The following ERC1 variants were observed in gnomAD, a reference collection of about 807,000 sequenced individuals.
ERC1 encodes ELKS/RAB6-interacting/CAST family member 1, also known as RAB6 interacting protein 2.
Under a neutral mutation model 132.0 loss-of-function variants are expected in ERC1, and 56 were observed. The ratio of observed to expected loss-of-function variants is 0.42; its 90% CI spans 0.34 to 0.53. The LOEUF is 0.53. Ranked by LOEUF, ERC1 falls within the 20% of genes least tolerant of loss-of-function variation. ERC1 has a pLI of 0.03. For synonymous variants in ERC1, 478 were observed against 476.1 expected (o/e 1.00, Z -0.05); for missense variants, 1,202 against 1,349.9 (o/e 0.89, Z 1.72).
At chr12:1,279,721 C>T (rs1322905842) in intron 14 of ERC1, among the ~76,000 whole-genome samples, 2 of 150,522 alleles carry the variant, frequency 1.3e-5, no homozygotes, top group African/African-American at 4.9e-5. Context: ...CGGAGTCTCG[C>T]TCTGTCGCCC....
chr12:1,445,679 A>G (rs750614174), intron 18 of ERC1, among the ~76,000 whole-genome samples: 3 of 152,210 alleles, frequency 2.0e-5, no homozygotes, highest in Admixed American at 6.5e-5. Context: ...GATATTTGGA[A>G]TTACCTTTTG....
intron 12 of ERC1, among the ~76,000 whole-genome samples, chr12:1,196,828 CTCTGTCTG>C (rs1350850216): frequency 1.7e-4 from 20 of 117,810 alleles, no homozygotes; most frequent in South Asian, 7.2e-4. Flanking sequence ...CTCTCTCTCT[CTCTGTCTG>C]TCTCTCTGTC....
intron 1 of ERC1, among the ~76,000 whole-genome samples, chr12:1,000,985 A>G (rs987151437): frequency 5.3e-5 from 8 of 151,902 alleles, no homozygotes; most frequent in Admixed American, 3.3e-4. Context: ...ATCTCGTCTC[A>G]CGGCACCTCC....
At position 1,134,504 on chromosome 12, in the gene ERC1, A is replaced by C. The variant is rs1024459129; in HGVS notation, c.1570-7116A>C. On this transcript the variant is annotated intron_variant, in intron 7 of 18. Transcript: ENST00000360905. Reference sequence around the variant, plus strand: ...TAGAACTATAGGTGTGTGCCACCACACTTGGCTAATTAAAAAAAATTTTTT... The same window carrying C: ...TAGAACTATAGGTGTGTGCCACCACCCTTGGCTAATTAAAAAAAATTTTTT... Among the ~76,000 whole-genome samples the C allele has an allele frequency of 2.6e-5, 4 of 151,842 alleles. No homozygotes were observed. The East Asian group carries it at 7.7e-4, about 29-fold the overall frequency.
chr12:1,407,139 C>T (rs757477), intron 16 of ERC1, among the ~76,000 whole-genome samples: 4,842 of 152,230 alleles, frequency 0.032, 288 homozygotes, highest in African/African-American at 0.11. Flanking sequence ...CTAATCCAGT[C>T]TTCCTTTTTG....
chr12:1,161,461 A>G (rs185002032), intron 8 of ERC1, among the ~76,000 whole-genome samples: 1 of 152,226 alleles, frequency 6.6e-6, no homozygotes, highest in Non-Finnish European at 1.5e-5. Flanking sequence ...AGAGCTCTGC[A>G]TATGAATGCC....
intron 2 of ERC1, among the ~76,000 whole-genome samples, chr12:1,061,975 TTTC>T (rs1938038376): frequency 6.7e-6 from 1 of 150,244 alleles, no homozygotes; most frequent in Non-Finnish European, 1.5e-5. Flanking sequence ...TGTGTTTTTT[TTTC>T]TTCTTTTCTT....
At chr12:1,217,079 C>T (rs537630989) in intron 12 of ERC1, among the ~76,000 whole-genome samples, 2 of 152,320 alleles carry the variant, frequency 1.3e-5, no homozygotes, top group African/African-American at 2.4e-5. Flanking sequence ...TTTCCTCTGT[C>T]ATTATGAATT....
At chr12:1,194,331 G>T (rs1349301882) in intron 12 of ERC1, among the ~76,000 whole-genome samples, 1 of 152,166 alleles carries the variant, frequency 6.6e-6, no homozygotes, top group East Asian at 1.9e-4. Flanking sequence ...TGAGGCAGGA[G>T]AATCGCTTGA....
At chr12:1,337,545 G>A (rs966560742) in intron 15 of ERC1, among the ~76,000 whole-genome samples, 2 of 152,064 alleles carry the variant, frequency 1.3e-5, no homozygotes, top group African/African-American at 4.8e-5. Flanking sequence ...TTACATTCAA[G>A]GTTTGTACTG....
intron 14 of ERC1, among the ~76,000 whole-genome samples, chr12:1,284,298 G>GTA (rs1463375821): frequency 1.4e-5 from 2 of 145,624 alleles, no homozygotes; most frequent in Non-Finnish European, 3.0e-5. Flanking sequence ...GTGTGTGTGT[G>GTA]TGTGTGTGTG....
intron 2 of ERC1, among the ~76,000 whole-genome samples, chr12:1,071,700 C>G (rs541191714): frequency 2.6e-5 from 4 of 152,140 alleles, no homozygotes; most frequent in South Asian, 4.2e-4. Flanking sequence ...ATACAATGTT[C>G]TCTTTTGATA....
chr12:1,028,409 G>T lies in ERC1; in HGVS notation c.506G>T (p.Arg169Leu), dbSNP rs200160550. ...KEVLRENDLL[R>L]KDVEVKESKL... is the part of the protein sequence containing the mutation. The stretch of plus-strand genomic sequence containing the variant: ...GTATTAAGAGAAAATGATCTCTTGC[G>T]GAAGGATGTGGAAGTAAAGGAGAGC... Residue 169 changes from arginine (R) to leucine (L), a missense_variant, in exon 2 of 19, where the codon CGG becomes CTG. Physicochemically the swap from Arg to Leu is moderately radical, Grantham distance 102. Transcript: ENST00000360905. 3 of 1,614,094 alleles carry T rather than the reference G, an allele frequency of 1.9e-6. No homozygotes were observed. Among genetic ancestry groups the T allele is most frequent in the Admixed American group, 1.7e-5 (1 of 60,014 alleles).
chr12:1,001,509 C>T (rs1188750424), intron 1 of ERC1, among the ~76,000 whole-genome samples: 2 of 152,212 alleles, frequency 1.3e-5, no homozygotes, highest in Non-Finnish European at 2.9e-5. Context: ...TTGAAGCTTC[C>T]CAATCACAAC....
At chr12:992,694 A>C (rs1040684374) in intron 1 of ERC1, among the ~76,000 whole-genome samples, 2 of 152,186 alleles carry the variant, frequency 1.3e-5, no homozygotes, top group Non-Finnish European at 2.9e-5. Flanking sequence ...TAGCACTGTA[A>C]ATCAGAATCT....
At chr12:1,442,284 G>A (rs148314119) in intron 17 of ERC1, among the ~76,000 whole-genome samples, 1 of 152,260 alleles carries the variant, frequency 6.6e-6, no homozygotes, top group East Asian at 1.9e-4. Context: ...AGTTGGTATT[G>A]TTTGCAAAAA....
chr12:1,438,954 A>ATATATATAT (rs1555093208), intron 17 of ERC1, among the ~76,000 whole-genome samples: 8 of 143,492 alleles, frequency 5.6e-5, no homozygotes, highest in Admixed American at 2.1e-4. Context: ...TTTAAAAAAA[A>ATATATATAT]ATATATATAT....
At chr12:1,109,087 G>A (rs1164593566) in intron 4 of ERC1, among the ~76,000 whole-genome samples, 1 of 152,198 alleles carries the variant, frequency 6.6e-6, no homozygotes, top group African/African-American at 2.4e-5. Context: ...TCTTTGGTGA[G>A]TAAGCACCTG....
At chr12:1,241,235 C>T (rs1245759174) in intron 13 of ERC1, among the ~76,000 whole-genome samples, 2 of 152,130 alleles carry the variant, frequency 1.3e-5, no homozygotes, top group African/African-American at 4.8e-5. Flanking sequence ...ATGGCGTCTT[C>T]AAGTTGTTAT....
Sources: gnomAD v4.1 joint callset for allele counts (sites outside exome capture counted in the v4.1 genomes callset) on GRCh38, gnomAD v4.1.1 for gene constraint, MANE v1.5 for transcripts, NCBI Gene and HGNC (gene_info 2026-07-23, HGNC 2026-07-21) for gene names.